Variants in HMGN5 observed in about 807,000 individuals in gnomAD.
HMGN5 encodes the protein high mobility group nucleosome binding domain 5.
Under a neutral mutation model 9.5 loss-of-function variants are expected in HMGN5, and 4 were observed. The ratio of observed to expected loss-of-function variants is 0.42; its 90% CI spans 0.21 to 0.96. The LOEUF (loss-of-function observed/expected upper bound fraction) is 0.96. Ranked by LOEUF, HMGN5 falls within the 40% of genes least tolerant of loss-of-function variation. The probability of loss-of-function intolerance (pLI) is 0.30; values close to 1 mark genes in which losing one functional copy is unlikely to be tolerated. For synonymous variants in HMGN5, 55 were observed against 57.1 expected, an observed-to-expected ratio of 0.96 and a Z score of 0.16; for missense variants, 192 against 187.5, an observed-to-expected ratio of 1.02 and a Z score of -0.14.
intron 1 of HMGN5, among the ~76,000 whole-genome samples, chrX:81,199,134 A>T (rs770926145): frequency 1.2e-4 from 13 of 111,720 alleles, no homozygotes; most frequent in African/African-American, 3.3e-4. Flanking sequence ...CACAATTGCT[A>T]CAAATAGAAT....
At chrX:81,116,948 G>T (rs910554845) in intron 5 of HMGN5, among the ~76,000 whole-genome samples, 2 of 110,666 alleles carry the variant, frequency 1.8e-5, no homozygotes, top group Admixed American at 1.9e-4. Context: ...TGGATTGAGG[G>T]GCCGGAAAAC....
In HMGN5 at chrX:81,118,470, T is replaced by C. The variant is rs773641393; in HGVS notation, c.91A>G (p.Thr31Ala). 1 of 1,183,062 alleles carries C rather than the reference T, an allele frequency of 8.5e-7. No individual in the cohort carries two copies. Among genetic ancestry groups the C allele is most frequent in the Admixed American group, 2.3e-5 (1 of 43,928 alleles). The change falls in exon 5 of 7, where the codon ACA becomes GCA. Residue 31 changes from threonine to alanine, a missense_variant. Thr to Ala is a moderately conservative substitution (Grantham distance 58). Transcript: ENST00000358130. ...GTTCTTTTAGGCTTCACCTCTGGTG[T>C]AACTGGCACAAGCATCTGCTTCAAG... ...ARLSAMLVPV[T>A]PEVKPKRTSS...
At chrX:81,165,888 C>T (rs981166276) in intron 1 of HMGN5, among the ~76,000 whole-genome samples, 7 of 111,430 alleles carry the variant, frequency 6.3e-5, no homozygotes, top group African/African-American at 2.0e-4. Flanking sequence ...CAGATATCAG[C>T]TGCAGTTAAT....
intron 1 of HMGN5, among the ~76,000 whole-genome samples, chrX:81,153,052 G>A (rs1224601213): frequency 2.8e-4 from 29 of 104,914 alleles, no homozygotes; most frequent in Admixed American, 1.6e-3. Context: ...GCTAAAGGAC[G>A]AGTTAATGGG....
At chrX:81,135,158 G>A (rs993601527) in intron 1 of HMGN5, among the ~76,000 whole-genome samples, 1 of 111,489 alleles carries the variant, frequency 9.0e-6, no homozygotes, top group Non-Finnish European at 1.9e-5. Flanking sequence ...TGTGCTGCAA[G>A]CAATATCATC....
At chrX:81,145,665 T>C (rs1253507274) in intron 1 of HMGN5, among the ~76,000 whole-genome samples, 3 of 111,499 alleles carry the variant, frequency 2.7e-5, no homozygotes, top group Non-Finnish European at 1.9e-5. Context: ...TAACCTTAAA[T>C]GTAAATCAGC....
At chrX:81,151,645 C>G (rs1169639826) in intron 1 of HMGN5, among the ~76,000 whole-genome samples, 1 of 111,449 alleles carries the variant, frequency 9.0e-6, no homozygotes, top group East Asian at 2.8e-4. Flanking sequence ...TTGTAGCTCT[C>G]CTTGAAGAGA....
At chrX:81,165,884 T>A (rs1366648358) in intron 1 of HMGN5, among the ~76,000 whole-genome samples, 1 of 111,562 alleles carries the variant, frequency 9.0e-6, no homozygotes, top group East Asian at 2.8e-4. Context: ...ATAACAGATA[T>A]CAGCTGCAGT....
chrX:81,192,283 T>A (rs909486690), intron 1 of HMGN5, among the ~76,000 whole-genome samples: 7 of 111,862 alleles, frequency 6.3e-5, no homozygotes, highest in Non-Finnish European at 1.3e-4. Context: ...AGCTTTGGAA[T>A]GAACACTAAG....
At chrX:81,150,636 A>G (rs2075358747) in intron 1 of HMGN5, among the ~76,000 whole-genome samples, 1 of 112,351 alleles carries the variant, frequency 8.9e-6, no homozygotes, top group Non-Finnish European at 1.9e-5. Flanking sequence ...TAAAAGCAGT[A>G]ATAAATTATT....
intron 1 of HMGN5, among the ~76,000 whole-genome samples, chrX:81,157,052 C>A (rs1057335009): frequency 1.8e-5 from 2 of 111,702 alleles, no homozygotes; most frequent in African/African-American, 6.5e-5. Context: ...CTCTTGGAAG[C>A]AGATTGCCTT....
chrX:81,131,884 A>G (rs2075298427), intron 1 of HMGN5, among the ~76,000 whole-genome samples: 1 of 111,230 alleles, frequency 9.0e-6, no homozygotes, highest in South Asian at 3.8e-4. Flanking sequence ...CAAGAGAAAG[A>G]AATAAAGGGC....
chrX:81,158,722 G>A lies in HMGN5; in HGVS notation c.-123-37050C>T, dbSNP rs181651423. Among the ~76,000 whole-genome samples the A allele has an allele frequency of 2.6e-3, 287 of 111,867 alleles. 2 individuals are homozygous for A. Among genetic ancestry groups the A allele is most frequent in the African/African-American group, 8.5e-3 (262 of 30,811 alleles). On this transcript the variant is annotated intron_variant, in intron 1 of 6. Transcript: ENST00000358130. ...TGTTGTAATTGCTTTTGGAGTTTTC[G>A]TCATGAAATCTTTGCCTGTGCCTAT...
intron 1 of HMGN5, among the ~76,000 whole-genome samples, chrX:81,155,045 G>T (rs2147566627): frequency 1.1e-5 from 1 of 94,252 alleles, no homozygotes; most frequent in Non-Finnish European, 2.1e-5. Flanking sequence ...CCGGGTATAT[G>T]CCTAAAAGAA....
intron 1 of HMGN5, among the ~76,000 whole-genome samples, chrX:81,129,506 AT>A (rs771758510): frequency 9.1e-6 from 1 of 109,808 alleles, no homozygotes; most frequent in Non-Finnish European, 1.9e-5. Flanking sequence ...TAATAGTGAT[AT>A]TTTTTTCTAG....
In HMGN5 at chrX:81,178,584, A is replaced by G. The variant is rs192586500; in HGVS notation, c.-124+23153T>C. ...CAATAATTACAACCATAAAAAGTCCAGGAACAGATGGATTCACAGCCGAAT... is the reference window on the plus strand; with the variant it reads ...CAATAATTACAACCATAAAAAGTCCGGGAACAGATGGATTCACAGCCGAAT... On this transcript the variant is annotated intron_variant, in intron 1 of 6. Transcript: ENST00000358130. 1.4e-3 allele frequency among the ~76,000 whole-genome samples: 159 copies of G among 111,921 alleles called. 2 individuals are homozygous for G. The highest frequency in any genetic ancestry group is 5.1e-3 in the African/African-American group (157 of 30,807).
At chrX:81,182,047 CACTT>C (rs745895271) in intron 1 of HMGN5, among the ~76,000 whole-genome samples, 11 of 111,443 alleles carry the variant, frequency 9.9e-5, no homozygotes, top group African/African-American at 3.6e-4. Context: ...TGGTTGTACT[CACTT>C]ACATTACTAC....
intron 1 of HMGN5, among the ~76,000 whole-genome samples, chrX:81,124,197 G>T (rs944290774): frequency 9.8e-5 from 11 of 112,388 alleles, no homozygotes; most frequent in African/African-American, 3.5e-4. Context: ...GCATGCAAAA[G>T]AACATTTTCT....
intron 1 of HMGN5, among the ~76,000 whole-genome samples, chrX:81,153,161 TAAA>T (rs915112006): frequency 9.3e-6 from 1 of 107,679 alleles, no homozygotes; most frequent in East Asian, 2.9e-4. Flanking sequence ...TTAAAAAAAA[TAAA>T]AAAATAAAAA....
Sources: allele counts gnomAD v4.1 joint callset (sites outside exome capture counted in the v4.1 genomes callset), GRCh38; gene constraint gnomAD v4.1.1; transcripts MANE v1.5; gene names NCBI Gene and HGNC (gene_info 2026-07-23, HGNC 2026-07-21).